NEK7: variants seen among roughly 807,000 people sequenced by gnomAD.
The protein encoded by NEK7 is NIMA related kinase 7.
NEK7 carries 18 observed loss-of-function variants against 44.6 expected under a neutral mutation model. The observed-to-expected ratio is 0.40, with a 90% CI of 0.28 to 0.60. NEK7 has a LOEUF of 0.60. NEK7 is among the 20% of genes least tolerant of loss of function. The probability of loss-of-function intolerance (pLI) is 0.38; values close to 1 mark genes in which losing one functional copy is unlikely to be tolerated. For synonymous variants in NEK7, 130 were observed against 121.1 expected (o/e 1.07, Z -0.48); for missense variants, 256 against 366.5 (o/e 0.70, Z 2.46).
At chr1:198,271,635 T>C (rs1653845494) in intron 5 of NEK7, among the ~76,000 whole-genome samples, 1 of 151,872 alleles carries the variant, frequency 6.6e-6, no homozygotes, top group African/African-American at 2.4e-5. Context: ...CCCATCTCTC[T>C]TTGATAACTC....
At chr1:198,228,782 G>T (rs960583385) in intron 1 of NEK7, among the ~76,000 whole-genome samples, 1 of 152,088 alleles carries the variant, frequency 6.6e-6, no homozygotes, top group Non-Finnish European at 1.5e-5. Context: ...AGACAATGGG[G>T]TTTCTAGATA....
In NEK7 at chr1:198,262,839, G is replaced by GT. The variant is rs1221952234; in HGVS notation, c.261+203dup. Among the ~76,000 whole-genome samples the GT allele has an allele frequency of 4.6e-5, 7 of 151,908 alleles. No homozygotes were observed. In the East Asian group the frequency reaches 1.4e-3, roughly 29 times the overall value. On this transcript the variant is annotated intron_variant, in intron 4 of 9. Transcript: ENST00000367385. ...GTTAAATAACATAATCAGAACATTT[G>GT]TAGGACCAGCTTTTTTTTCTCATTT...
chr1:198,199,750 C>T (rs1665361911), intron 1 of NEK7, among the ~76,000 whole-genome samples: 1 of 151,646 alleles, frequency 6.6e-6, no homozygotes, highest in Admixed American at 6.6e-5. Context: ...AAAGTTACAC[C>T]AGACTTCTTT....
intron 1 of NEK7, among the ~76,000 whole-genome samples, chr1:198,165,254 T>C (rs548207124): frequency 6.6e-6 from 1 of 152,366 alleles, no homozygotes; most frequent in South Asian, 2.1e-4. Context: ...CTCCCATGAA[T>C]GACAATCGTT....
intron 2 of NEK7, among the ~76,000 whole-genome samples, chr1:198,244,612 A>G (rs1666777456): frequency 6.6e-6 from 1 of 152,172 alleles, no homozygotes; most frequent in Non-Finnish European, 1.5e-5. Flanking sequence ...TAATGTGATT[A>G]GAGTGTATTC....
chr1:198,225,718 T>G (rs974139398), intron 1 of NEK7, among the ~76,000 whole-genome samples: 8 of 152,192 alleles, frequency 5.3e-5, no homozygotes, highest in African/African-American at 1.7e-4. Flanking sequence ...TAAAGTGGTG[T>G]GTACTATACT....
intron 4 of NEK7, among the ~76,000 whole-genome samples, chr1:198,263,357 G>A (rs1653542999): frequency 6.6e-6 from 1 of 151,928 alleles, no homozygotes; most frequent in African/African-American, 2.4e-5. Flanking sequence ...CTTGGCACAT[G>A]AAGTAGCTGG....
chr1:198,275,579 C>A (rs946444454), intron 5 of NEK7, among the ~76,000 whole-genome samples: 1 of 150,476 alleles, frequency 6.6e-6, no homozygotes, highest in African/African-American at 2.4e-5. Flanking sequence ...AACAATAATG[C>A]TCTTTGGCTA....
intron 2 of NEK7, among the ~76,000 whole-genome samples, chr1:198,239,130 T>G (rs2102888483): frequency 6.6e-6 from 1 of 152,334 alleles, no homozygotes; most frequent in South Asian, 2.1e-4. Flanking sequence ...TTTCCTCTCA[T>G]TTTACCATTT....
chr1:198,174,210 TA>T (rs1664533865), intron 1 of NEK7, among the ~76,000 whole-genome samples: 1 of 152,224 alleles, frequency 6.6e-6, no homozygotes, highest in South Asian at 2.1e-4. Flanking sequence ...ATGTAAAATA[TA>T]ACTTTGATTT....
chr1:198,305,413 T>C (rs1654996262), intron 9 of NEK7, among the ~76,000 whole-genome samples: 1 of 152,100 alleles, frequency 6.6e-6, no homozygotes, highest in Non-Finnish European at 1.5e-5. Flanking sequence ...TTCCGGAGGT[T>C]AACAGAAACT....
chr1:198,238,495 C>T (rs952789262), intron 2 of NEK7, among the ~76,000 whole-genome samples: 9 of 152,176 alleles, frequency 5.9e-5, no homozygotes, highest in Non-Finnish European at 1.2e-4. Context: ...ACTCTCTTGC[C>T]ACCTTCATTC....
intron 1 of NEK7, among the ~76,000 whole-genome samples, chr1:198,212,622 A>T (rs1431042319): frequency 1.3e-5 from 2 of 152,170 alleles, no homozygotes; most frequent in Non-Finnish European, 2.9e-5. Flanking sequence ...GACCCAGCCC[A>T]CACCTGGTTT....
intron 5 of NEK7, among the ~76,000 whole-genome samples, chr1:198,272,332 A>G (rs1653879345): frequency 1.3e-5 from 2 of 151,988 alleles, no homozygotes; most frequent in South Asian, 2.1e-4. Flanking sequence ...TTTGTAAACC[A>G]TGTAATACCA....
At chr1:198,163,534 T>TA (rs1158094509) in intron 1 of NEK7, among the ~76,000 whole-genome samples, 1 of 151,824 alleles carries the variant, frequency 6.6e-6, no homozygotes, top group Non-Finnish European at 1.5e-5. Context: ...AAAAAAAAAT[T>TA]AAAAAAAGAG....
chr1:198,196,617 T>G (rs1665244065), intron 1 of NEK7, among the ~76,000 whole-genome samples: 1 of 152,200 alleles, frequency 6.6e-6, no homozygotes, highest in Admixed American at 6.5e-5. Flanking sequence ...GGAATCTCTG[T>G]GATTCTTCGA....
intron 5 of NEK7, among the ~76,000 whole-genome samples, chr1:198,274,806 G>C (rs1653965483): frequency 6.6e-6 from 1 of 151,748 alleles, no homozygotes; most frequent in Non-Finnish European, 1.5e-5. Flanking sequence ...TTAATTTGTA[G>C]TGGGATGTTT....
At chr1:198,158,781 G>A (rs1663997497) in intron 1 of NEK7, among the ~76,000 whole-genome samples, 1 of 152,160 alleles carries the variant, frequency 6.6e-6, no homozygotes, top group Non-Finnish European at 1.5e-5. Context: ...TATTTCCAGA[G>A]GAAGGAATTC....
At chr1:198,202,759 C>A (rs1665471559) in intron 1 of NEK7, among the ~76,000 whole-genome samples, 2 of 152,146 alleles carry the variant, frequency 1.3e-5, no homozygotes, top group South Asian at 4.1e-4. Context: ...ACCATGAGAG[C>A]AACATGGGGG....
Sources: allele counts gnomAD v4.1 joint callset (sites outside exome capture counted in the v4.1 genomes callset), GRCh38; gene constraint gnomAD v4.1.1; transcripts MANE v1.5; gene names NCBI Gene and HGNC (gene_info 2026-07-23, HGNC 2026-07-21).